Variants in KRABD5 observed in about 807,000 individuals in gnomAD.
KRABD5 encodes KRAB domain-containing protein 5.
chr16:31,722,645 A>T, the KRABD5 span: 2 of 1,613,248 alleles, frequency 1.2e-6, no homozygotes, highest in African/African-American at 1.3e-5. Flanking sequence ...ACATTCAGGG[A>T]TGTGGCCATA....
chr16:31,735,491 CTT>C, the KRABD5 span, among the ~76,000 whole-genome samples: 6 of 152,188 alleles, frequency 3.9e-5, no homozygotes, highest in African/African-American at 1.4e-4. Flanking sequence ...CCTCCATACT[CTT>C]TTATAGTGGC....
the KRABD5 span, chr16:31,754,537 T>G: frequency 1.5e-4 from 88 of 569,094 alleles, 1 homozygote; most frequent in East Asian, 1.2e-3. Flanking sequence ...ATTTTCTACA[T>G]AACCATTGCA....
chr16:31,733,969 T>A, the KRABD5 span, among the ~76,000 whole-genome samples: 2 of 152,218 alleles, frequency 1.3e-5, no homozygotes, highest in Non-Finnish European at 2.9e-5. Context: ...TCCTTTGATA[T>A]TATATCCAAA....
At chr16:31,713,403 C>G in the KRABD5 span, 1 of 1,603,064 alleles carries the variant, frequency 6.2e-7, no homozygotes, top group African/African-American at 1.3e-5. Flanking sequence ...ATCCGTAGCT[C>G]AGACGCCAGG....
chr16:31,722,709 T>C, the KRABD5 span: 6 of 1,612,650 alleles, frequency 3.7e-6, no homozygotes, highest in African/African-American at 6.7e-5. Flanking sequence ...AGCTTTTATA[T>C]GGGGATGTGA....
At chr16:31,756,864 G>C in the KRABD5 span, 31 of 152,290 alleles carry the variant, frequency 2.0e-4, no homozygotes, top group African/African-American at 7.5e-4. Context: ...AGGCAGAAAT[G>C]CATGTGTGTG....
At chr16:31,757,882 A>ATAGC in the KRABD5 span, 1 of 152,048 alleles carries the variant, frequency 6.6e-6, no homozygotes, top group Non-Finnish European at 1.5e-5. Context: ...AGATAGATAG[A>ATAGC]TAGATAGATA....
chr16:31,759,575 G>A, the KRABD5 span: 1 of 687,492 alleles, frequency 1.5e-6, no homozygotes, highest in Non-Finnish European at 2.5e-6. Flanking sequence ...TTAAATGGGT[G>A]GGGGTAGGGA....
chr16:31,713,411 A>T, the KRABD5 span: 1 of 1,604,734 alleles, frequency 6.2e-7, no homozygotes, highest in Non-Finnish European at 8.5e-7. Context: ...CTCAGACGCC[A>T]GGACATCCCG....
the KRABD5 span, chr16:31,759,499 A>G: frequency 4.6e-6 from 6 of 1,318,312 alleles, no homozygotes; most frequent in Admixed American, 6.1e-5. Context: ...TATTTGTCTA[A>G]CATGTACAGT....
chr16:31,755,653 C>T, the KRABD5 span: 1 of 480,866 alleles, frequency 2.1e-6, no homozygotes, highest in Non-Finnish European at 4.2e-6. Flanking sequence ...AAGAATGTGG[C>T]AAATTATTTA....
At chr16:31,745,832 T>A in the KRABD5 span, among the ~76,000 whole-genome samples, 12 of 152,224 alleles carry the variant, frequency 7.9e-5, no homozygotes, top group Non-Finnish European at 1.2e-4. Flanking sequence ...TTTAGAATAG[T>A]TAGCTCTTCT....
At chr16:31,755,369 G>A in the KRABD5 span, 5 of 504,580 alleles carry the variant, frequency 9.9e-6, no homozygotes, top group East Asian at 6.0e-5. Context: ...AATTCATACC[G>A]GAGAGAAACC....
chr16:31,724,858 C>T, the KRABD5 span, among the ~76,000 whole-genome samples: 2 of 151,904 alleles, frequency 1.3e-5, no homozygotes, highest in Admixed American at 1.3e-4. Context: ...TACCACCTGT[C>T]AGCTGTTGGG....
At chr16:31,733,509 A>G in the KRABD5 span, 245 of 456,108 alleles carry the variant, frequency 5.4e-4, 2 homozygotes, top group Non-Finnish European at 1.0e-3. Flanking sequence ...TTTATTTTAC[A>G]GAAGTCAAAG....
At chr16:31,743,253 G>C in the KRABD5 span, among the ~76,000 whole-genome samples, 1 of 151,972 alleles carries the variant, frequency 6.6e-6, no homozygotes, top group Non-Finnish European at 1.5e-5. Flanking sequence ...TTATGGTTTT[G>C]GGTTTTACAT....
chr16:31,753,752 T>C, the KRABD5 span: 2 of 1,457,734 alleles, frequency 1.4e-6, no homozygotes, highest in Non-Finnish European at 1.8e-6. Flanking sequence ...TTGAAAACTT[T>C]TGGTATCTTT....
chr16:31,724,389 A>G, the KRABD5 span, among the ~76,000 whole-genome samples: 1 of 152,140 alleles, frequency 6.6e-6, no homozygotes, highest in Admixed American at 6.6e-5. Context: ...TGGAGAGAAC[A>G]TTAAAGATCT....
chr16:31,713,360 C>T, the KRABD5 span: 11 of 1,572,164 alleles, frequency 7.0e-6, no homozygotes, highest in Non-Finnish European at 5.2e-6. Flanking sequence ...TAGACAGAAC[C>T]TCTGTTACTC....
Sources: gnomAD v4.1 joint callset for allele counts (sites outside exome capture counted in the v4.1 genomes callset) on GRCh38, gnomAD v4.1.1 for gene constraint, MANE v1.5 for transcripts, NCBI Gene and HGNC (gene_info 2026-07-23, HGNC 2026-07-21) for gene names.